RNF148: variants seen among roughly 807,000 people sequenced by gnomAD.
The protein encoded by RNF148 is ring finger protein 148.
A neutral mutation model predicts 21.1 loss-of-function variants in RNF148; 16 were observed. That is an observed-to-expected ratio of 0.76 (90% CI 0.51 to 1.15). RNF148 has a LOEUF of 1.15. Ranked by LOEUF, RNF148 falls within the 50% of genes most tolerant of loss-of-function variation. The pLI, the probability that RNF148 is intolerant of heterozygous loss-of-function variation, is 0.00. For missense variants in RNF148, 424 were observed against 374.2 expected (o/e 1.13, Z -1.10); for synonymous variants, 150 against 136.4 (o/e 1.10, Z -0.69).
At position 122,702,058 on chromosome 7, in the gene RNF148, ATC is replaced by A; in HGVS notation, c.691_692del (p.Asp231CysfsTer6). On this transcript the variant is annotated frameshift_variant, in exon 1 of 1. Coordinates refer to ENST00000434824, the MANE Select transcript of RNF148 (RefSeq NM_198085.2). LOFTEE classifies it high-confidence loss of function. ...GAAGCTGGTCAATAGCTTTCTTCAC[ATC>A]TGTCTTTATTTGACTTCGCCTCCTG... ...FTRRRSQIKT[D>X]VKKAIDQLQL... 1 of 1,613,606 alleles carries A rather than the reference ATC, an allele frequency of 6.2e-7. No individual in the cohort carries two copies. The highest frequency in any genetic ancestry group is 2.2e-5 in the East Asian group (1 of 44,872).
In RNF148 at chr7:122,702,400, G is replaced by A. The variant is rs199897572; in HGVS notation, c.351C>T (p.Asn117=). The change falls in exon 1 of 1, where the codon AAC becomes AAT. Residue 117 remains asparagine, a synonymous_variant. Transcript: ENST00000434824. Reference sequence around the variant, plus strand: ...CATTTGCTCCCTTCTCTGCTGCCACGTTGATTTTATGTGTAAAAGTACAGC... The same window carrying A: ...CATTTGCTCCCTTCTCTGCTGCCACATTGATTTTATGTGTAAAAGTACAGC... ...RGGCTFTHKI[N]VAAEKGANGV... 230 of 1,613,696 alleles carry A rather than the reference G, an allele frequency of 1.4e-4. 1 individual carries two copies. Among genetic ancestry groups the A allele is most frequent in the African/African-American group, 6.8e-4 (51 of 74,994 alleles).
rs373254243 is a variant in RNF148 at position 122,702,628 on chromosome 7, G to A, written c.123C>T (p.His41=). ...DSNGKAIWTA[H]LNITFQVGNE... is the part of the protein sequence containing the mutation. ...TTCCAACCTGAAATGTTATATTCAG[G>A]TGAGCTGTCCAAATGGCTTTTCCGT... is the stretch of plus-strand genomic sequence containing the variant. The change falls in exon 1 of 1, where the codon CAC becomes CAT. Residue 41 remains histidine, a synonymous_variant. Coordinates refer to ENST00000434824, the MANE Select transcript of RNF148 (RefSeq NM_198085.2). 10 of 1,613,440 alleles carry A rather than the reference G, an allele frequency of 6.2e-6. No individual in the cohort carries two copies. The African/African-American group carries it at 1.3e-4, about 22-fold the overall frequency.
chr7:122,702,040 G>A lies in RNF148; in HGVS notation c.711C>T (p.Asp237=), dbSNP rs751255171. 6.2e-7 allele frequency: 1 copy of A among 1,613,362 alleles called. No individual in the cohort carries two copies. Among genetic ancestry groups the A allele is most frequent in the African/African-American group, 1.3e-5 (1 of 74,878 alleles). Residue 237 remains aspartate, a synonymous_variant, in exon 1 of 1, where the codon GAC becomes GAT. Transcript: ENST00000434824. ...QIKTDVKKAI[D]QLQLRVLKEG... is the part of the protein sequence containing the mutation. ...CTTTGAGAACTCGCAGTTGAAGCTG[G>A]TCAATAGCTTTCTTCACATCTGTCT...
Position 122,702,451 on chromosome 7 carries a change from T to G in RNF148, c.300A>C (p.Ser100=). 1.2e-6 allele frequency: 2 copies of G among 1,613,808 alleles called. No homozygotes were observed. Among genetic ancestry groups the G allele is most frequent in the Non-Finnish European group, 8.5e-7 (1 of 1,179,774 alleles). Residue 100 remains serine (S), a synonymous_variant, in exon 1 of 1, where the codon TCA becomes TCC. Coordinates refer to ENST00000434824, the MANE Select transcript of RNF148 (RefSeq NM_198085.2). ...CTCCACGTTCGATGAGGGCCAGCCA[T>G]GAGTCTGCCTGTTTGGGCCTGCTGA... ...TNFSRPKQAD[S]WLALIERGGC...
In RNF148 at chr7:122,701,773, TTATC is replaced by T. The variant is rs1323745275; in HGVS notation, c.*56_*59del. On this transcript the variant is annotated 3_prime_UTR_variant, in exon 1 of 1. Coordinates refer to ENST00000434824, the MANE Select transcript of RNF148 (RefSeq NM_198085.2). ...TCTACATAAAGTACAATAAGACAAT[TTATC>T]TAATCTTTGTATTTGGAAAGATCTG... 5.3e-6 allele frequency: 6 copies of T among 1,136,592 alleles called. No homozygotes were observed. Among genetic ancestry groups the T allele is most frequent in the African/African-American group, 1.6e-5 (1 of 64,012 alleles). 70.4% of individuals were successfully genotyped at this position (1,136,592 alleles called of 1,614,324 possible). A position where few individuals can be genotyped will look rare whatever the true frequency, so the allele number is the denominator to read the frequency against.
rs1362579759 is a variant in RNF148, at chr7:122,702,813, C to T, written c.-63G>A. On this transcript the variant is annotated 5_prime_UTR_variant, in exon 1 of 1. The change abolishes an upstream ATG in the 5' untranslated region. Coordinates refer to ENST00000434824, the MANE Select transcript of RNF148 (RefSeq NM_198085.2). ...CAAAACAACATCAGTTGTAGAAGAACATAAAGAAGATAGCTTGTTGGCGGC... is the reference window on the plus strand; with the variant it reads ...CAAAACAACATCAGTTGTAGAAGAATATAAAGAAGATAGCTTGTTGGCGGC... The T allele has an allele frequency of 7.9e-7, 1 of 1,265,910 alleles. No individual in the cohort carries two copies. The highest frequency in any genetic ancestry group is 1.1e-6 in the Non-Finnish European group (1 of 923,158). 78.4% of individuals were successfully genotyped at this position (1,265,910 alleles called of 1,614,324 possible).
Position 122,702,100 on chromosome 7 carries a change from C to T in RNF148, c.651G>A (p.Val217=). The part of the protein sequence containing the change: ...LDCVWRLTPR[V]PNSFTRRRSQ... ...TTCGCCTCCTGGTGAAAGAATTGGG[C>T]ACTCTAGGTGTAAGTCTCCAGACGC... Residue 217 remains valine (V), a synonymous_variant, in exon 1 of 1, where the codon GTG becomes GTA. Transcript: ENST00000434824. 1 of 1,613,582 alleles carries T rather than the reference C, an allele frequency of 6.2e-7. No individual in the cohort carries two copies. The highest frequency in any genetic ancestry group is 8.5e-7 in the Non-Finnish European group (1 of 1,179,770).
rs757941248 is a variant in RNF148 at position 122,702,037 on chromosome 7, C to T, written c.714G>A (p.Gln238=). ...CTTCTTTGAGAACTCGCAGTTGAAG[C>T]TGGTCAATAGCTTTCTTCACATCTG... ...IKTDVKKAID[Q]LQLRVLKEGD... Residue 238 remains glutamine (Q), a synonymous_variant, in exon 1 of 1, where the codon CAG becomes CAA. Transcript: ENST00000434824. 1 of 1,613,556 alleles carries T rather than the reference C, an allele frequency of 6.2e-7. No homozygotes were observed.
rs368845403 is a variant in RNF148 at position 122,702,431 on chromosome 7, C to G, written c.320G>C (p.Arg107Pro). Residue 107 changes from arginine (R) to proline (P), a missense_variant, in exon 1 of 1, where the codon CGT becomes CCT. Transcript: ENST00000434824. Reference protein sequence around the residue: ...QADSWLALIERGGCTFTHKIN... With the variant: ...QADSWLALIEPGGCTFTHKIN... Reference sequence around the variant, plus strand: ...TTTATGTGTAAAAGTACAGCCTCCACGTTCGATGAGGGCCAGCCATGAGTC... The same window carrying G: ...TTTATGTGTAAAAGTACAGCCTCCAGGTTCGATGAGGGCCAGCCATGAGTC... 6 of 1,613,768 alleles carry G rather than the reference C, an allele frequency of 3.7e-6. No homozygotes were observed. Among genetic ancestry groups the G allele is most frequent in the Non-Finnish European group, 5.1e-6 (6 of 1,179,754 alleles).
Position 122,702,047 on chromosome 7 carries a change from G to A in RNF148, c.704C>T (p.Ala235Val), listed in dbSNP as rs1371408338. ...AACTCGCAGTTGAAGCTGGTCAATAGCTTTCTTCACATCTGTCTTTATTTG... is the reference window on the plus strand; with the variant it reads ...AACTCGCAGTTGAAGCTGGTCAATAACTTTCTTCACATCTGTCTTTATTTG... ...RSQIKTDVKK[A>V]IDQLQLRVLK... The change falls in exon 1 of 1, where the codon GCT (alanine) becomes GTT (valine). Residue 235 changes from alanine to valine, a missense_variant. Transcript: ENST00000434824. 6.2e-7 allele frequency: 1 copy of A among 1,613,546 alleles called. No homozygotes were observed. The highest frequency in any genetic ancestry group is 1.1e-5 in the South Asian group (1 of 91,080).
Position 122,701,860 on chromosome 7 carries a change from C to T in RNF148, c.891G>A (p.Met297Ile), listed in dbSNP as rs374475184. ...AAGTTTTCAGGATGTCACACTTGCA[C>T]ATGGGACATGTCCTATGGGCTAAAA... ...PWLLAHRTCPMCKCDILKT is the reference protein window; with the variant it reads ...PWLLAHRTCPICKCDILKT Residue 297 changes from methionine to isoleucine, a missense_variant, in exon 1 of 1, where the codon ATG (methionine) becomes ATA (isoleucine). By Grantham distance (10) the Met-to-Ile change is conservative (BLOSUM62 1). Coordinates refer to ENST00000434824, the MANE Select transcript of RNF148 (RefSeq NM_198085.2). The T allele has an allele frequency of 1.2e-5, 20 of 1,606,308 alleles. No individual in the cohort carries two copies. The highest frequency in any genetic ancestry group is 1.6e-5 in the Non-Finnish European group (19 of 1,176,590).
Position 122,702,847 on chromosome 7 carries a change from A to G in RNF148, c.-97T>C, listed in dbSNP as rs2086389478. Reference sequence around the variant, plus strand: ...GATAGCTTGTTGGCGGCAGATTACTAAAGCACATAAATGGAAAAGGTCTCC... The same window carrying G: ...GATAGCTTGTTGGCGGCAGATTACTGAAGCACATAAATGGAAAAGGTCTCC... On this transcript the variant is annotated 5_prime_UTR_variant, in exon 1 of 1. Transcript: ENST00000434824. 1.1e-6 allele frequency: 1 copy of G among 880,830 alleles called. No homozygotes were observed. Among genetic ancestry groups the G allele is most frequent in the African/African-American group, 1.7e-5 (1 of 58,910 alleles). The allele number at this position is 880,830 out of a possible 1,614,324, so 54.6% of individuals were successfully genotyped here.
rs780608988 is a variant in RNF148 at position 122,702,482 on chromosome 7, G to A, written c.269C>T (p.Thr90Ile). Residue 90 changes from threonine to isoleucine, a missense_variant, in exon 1 of 1, where the codon ACC becomes ATC. Thr to Ile is a moderately conservative substitution (Grantham distance 89). Coordinates refer to ENST00000434824, the MANE Select transcript of RNF148 (RefSeq NM_198085.2). ...GWNQNACHPL[T>I]NFSRPKQADS... ...TGCCTGTTTGGGCCTGCTGAAATTG[G>A]TCAAAGGATGACAGGCATTCTGATT... 6.2e-7 allele frequency: 1 copy of A among 1,613,690 alleles called. No homozygotes were observed.
Position 122,702,704 on chromosome 7 carries a change from G to C in RNF148, c.47C>G (p.Ser16Cys). The C allele has an allele frequency of 6.2e-7, 1 of 1,612,310 alleles. No individual in the cohort carries two copies. The highest frequency in any genetic ancestry group is 8.5e-7 in the Non-Finnish European group (1 of 1,179,020). ...AAAGATACTAAGCCTCAAAAGTCCAGATGAAACAGAACTATGCGTCGAAGG... is the reference window on the plus strand; with the variant it reads ...AAAGATACTAAGCCTCAAAAGTCCACATGAAACAGAACTATGCGTCGAAGG... ...ITPSTHSSVS[S>C]GLLRLSIFLL... Residue 16 changes from serine (S) to cysteine (C), a missense_variant, in exon 1 of 1, where the codon TCT becomes TGT. By Grantham distance (112) the Ser-to-Cys change is moderately radical. Coordinates refer to ENST00000434824, the MANE Select transcript of RNF148 (RefSeq NM_198085.2).
Position 122,702,620 on chromosome 7 carries a change from A to G in RNF148, c.131T>C (p.Ile44Thr). 1 of 1,613,456 alleles carries G rather than the reference A, an allele frequency of 6.2e-7. No homozygotes were observed. The highest frequency in any genetic ancestry group is 8.5e-7 in the Non-Finnish European group (1 of 1,179,550). Residue 44 changes from isoleucine to threonine, a missense_variant, in exon 1 of 1, where the codon ATA becomes ACA. Coordinates refer to ENST00000434824, the MANE Select transcript of RNF148 (RefSeq NM_198085.2). ...GATCTCATTTCCAACCTGAAATGTT[A>G]TATTCAGGTGAGCTGTCCAAATGGC... ...GKAIWTAHLN[I>T]TFQVGNEITS...
Position 122,702,049 on chromosome 7 carries a change from T to G in RNF148, c.702A>C (p.Lys234Asn), listed in dbSNP as rs756183058. The part of the protein sequence containing the change: ...RRSQIKTDVK[K>N]AIDQLQLRVL... ...CTCGCAGTTGAAGCTGGTCAATAGC[T>G]TTCTTCACATCTGTCTTTATTTGAC... The change falls in exon 1 of 1, where the codon AAA becomes AAC. Residue 234 changes from lysine to asparagine, a missense_variant. Transcript: ENST00000434824. The G allele has an allele frequency of 1.2e-6, 2 of 1,613,640 alleles. No individual in the cohort carries two copies. The highest frequency in any genetic ancestry group is 2.2e-5 in the East Asian group (1 of 44,878).
rs894040844 is a variant in RNF148, at chr7:122,702,354, G to T, written c.397C>A (p.Gln133Lys). ...GANGVIIYNY[Q>K]GTGSKVFPMS... ...GGAAATACTTTACTGCCCGTACCTT[G>T]ATAGTTGTAGATGATCACCCCATTT... is the stretch of plus-strand genomic sequence containing the variant. Residue 133 changes from glutamine to lysine, a missense_variant, in exon 1 of 1, where the codon CAA becomes AAA. Transcript: ENST00000434824. 1.2e-6 allele frequency: 2 copies of T among 1,613,802 alleles called. No individual in the cohort carries two copies. Among genetic ancestry groups the T allele is most frequent in the Non-Finnish European group, 8.5e-7 (1 of 1,179,790 alleles).
At position 122,701,777 on chromosome 7, in the gene RNF148, C is replaced by G; in HGVS notation, c.*56G>C. The G allele has an allele frequency of 8.6e-7, 1 of 1,167,186 alleles. No individual in the cohort carries two copies. The highest frequency in any genetic ancestry group is 1.5e-5 in the African/African-American group (1 of 64,660). 72.3% of individuals were successfully genotyped at this position (1,167,186 alleles called of 1,614,324 possible). Reference sequence around the variant, plus strand: ...CATAAAGTACAATAAGACAATTTATCTAATCTTTGTATTTGGAAAGATCTG... The same window carrying G: ...CATAAAGTACAATAAGACAATTTATGTAATCTTTGTATTTGGAAAGATCTG... On this transcript the variant is annotated 3_prime_UTR_variant, in exon 1 of 1. Transcript: ENST00000434824.
rs778214775 is a variant in RNF148, at chr7:122,701,812, T to C, written c.*21A>G. Reference sequence around the variant, plus strand: ...TATTTGGAAAGATCTGGTTACATCTTCAGAAAATTCTCCAGATTTCTTAAG... The same window carrying C: ...TATTTGGAAAGATCTGGTTACATCTCCAGAAAATTCTCCAGATTTCTTAAG... On this transcript the variant is annotated 3_prime_UTR_variant, in exon 1 of 1. Transcript: ENST00000434824. 1.4e-6 allele frequency: 2 copies of C among 1,476,852 alleles called. No individual in the cohort carries two copies. Among genetic ancestry groups the C allele is most frequent in the Non-Finnish European group, 1.9e-6 (2 of 1,078,556 alleles). 91.5% of individuals were successfully genotyped at this position (1,476,852 alleles called of 1,614,324 possible).
Sources: gnomAD v4.1 joint callset for allele counts on GRCh38, gnomAD v4.1.1 for gene constraint, MANE v1.5 for transcripts, NCBI Gene and HGNC (gene_info 2026-07-23, HGNC 2026-07-21) for gene names.